RFC3: variants seen among roughly 807,000 people sequenced by gnomAD.
RFC3 encodes the protein A1 38 kDa subunit.
A neutral mutation model predicts 45.1 loss-of-function variants in RFC3; 41 were observed. The ratio of observed to expected loss-of-function variants is 0.91; its 90% CI spans 0.71 to 1.18. RFC3 has a LOEUF of 1.18. Among genes scored for constraint, RFC3 ranks in the 50% most tolerant of loss-of-function variants. RFC3 has a pLI of 0.00. For missense variants in RFC3, 423 were observed against 428.1 expected (o/e 0.99, Z 0.10); for synonymous variants, 149 against 144.0 (o/e 1.03, Z -0.25).
At chr13:33,933,797 A>G (rs2082867946) in intron 8 of RFC3, among the ~76,000 whole-genome samples, 2 of 152,142 alleles carry the variant, frequency 1.3e-5, no homozygotes, top group South Asian at 4.1e-4. Flanking sequence ...AGAGAGAAAT[A>G]TAAACAACTA....
At chr13:33,926,254 T>C (rs897447240) in intron 8 of RFC3, among the ~76,000 whole-genome samples, 3 of 151,144 alleles carry the variant, frequency 2.0e-5, no homozygotes, top group East Asian at 3.9e-4. Flanking sequence ...ATATACCTAA[T>C]GCTACATGAC....
chr13:33,820,389 T>C (rs1417587921), intron 1 of RFC3, among the ~76,000 whole-genome samples: 1 of 152,244 alleles, frequency 6.6e-6, no homozygotes, highest in African/African-American at 2.4e-5. Flanking sequence ...CATCCACTTT[T>C]CTAAGCAGGC....
downstream of RFC3, among the ~76,000 whole-genome samples, chr13:33,838,873 G>A (rs558182625): frequency 3.9e-5 from 6 of 152,048 alleles, no homozygotes; most frequent in African/African-American, 1.4e-4. Context: ...TTTTTCTGAC[G>A]TTTTTTCCTC....
chr13:33,878,445 G>T (rs1386488577), intron 8 of RFC3, among the ~76,000 whole-genome samples: 1 of 152,080 alleles, frequency 6.6e-6, no homozygotes, highest in Non-Finnish European at 1.5e-5. Flanking sequence ...TTTGATGATG[G>T]GCTGGAAATG....
chr13:33,973,668 T>G, the RFC3 span, among the ~76,000 whole-genome samples: 1 of 151,158 alleles, frequency 6.6e-6, no homozygotes, highest in Middle Eastern at 3.2e-3. Context: ...TTTTTTTTTT[T>G]TTGACAGAGT....
intron 8 of RFC3, among the ~76,000 whole-genome samples, chr13:33,854,390 T>C (rs2137515736): frequency 6.6e-6 from 1 of 152,294 alleles, no homozygotes; most frequent in Non-Finnish European, 1.5e-5. Context: ...AGAAGTAGAC[T>C]AAATTGTTAA....
At chr13:33,921,133 T>C (rs745817955) in intron 8 of RFC3, among the ~76,000 whole-genome samples, 6 of 152,178 alleles carry the variant, frequency 3.9e-5, no homozygotes, top group Non-Finnish European at 7.4e-5. Context: ...CAGTGATTAT[T>C]TAATGAGCTT....
At chr13:33,925,135 T>C (rs111859983) in intron 8 of RFC3, among the ~76,000 whole-genome samples, 2,091 of 144,148 alleles carry the variant, frequency 0.015, 28 homozygotes, top group Non-Finnish European at 0.02. Flanking sequence ...TATACATGCA[T>C]ATATAGTGTA....
chr13:33,920,992 G>T (rs937741412), intron 8 of RFC3, among the ~76,000 whole-genome samples: 3 of 152,012 alleles, frequency 2.0e-5, no homozygotes, highest in African/African-American at 7.3e-5. Flanking sequence ...CTTACCACGT[G>T]GCATTATAAT....
At chr13:33,818,410 G>A (rs2081968635) in intron 1 of RFC3, 145 bp downstream of exon 1, 2 of 621,570 alleles carry the variant, frequency 3.2e-6, no homozygotes, top group African/African-American at 1.9e-5. Context: ...AGGGGGAAGA[G>A]GTGTGGGAGG....
chr13:33,966,614 GGA>G (rs2083089346), downstream of RFC3: 3 of 158,024 alleles, frequency 1.9e-5, no homozygotes, highest in African/African-American at 7.2e-5. Context: ...GGTTTGTCAG[GGA>G]GTAAAATGTC....
At chr13:33,913,800 A>G (rs1265310615) in intron 8 of RFC3, among the ~76,000 whole-genome samples, 3 of 152,148 alleles carry the variant, frequency 2.0e-5, no homozygotes, top group Non-Finnish European at 4.4e-5. Context: ...CCTTGTTGCC[A>G]TGTTTACTAC....
At chr13:33,963,679 A>G (rs866782912) in intron 8 of RFC3, among the ~76,000 whole-genome samples, 3 of 151,990 alleles carry the variant, frequency 2.0e-5, no homozygotes, top group South Asian at 2.1e-4. Flanking sequence ...TGTTTCTATA[A>G]TGGACTTCTG....
chr13:33,932,306 A>T (rs2082857678), intron 8 of RFC3, among the ~76,000 whole-genome samples: 2 of 152,128 alleles, frequency 1.3e-5, no homozygotes, highest in African/African-American at 4.8e-5. Flanking sequence ...TATTCTTCTT[A>T]ATATACCTTG....
intron 8 of RFC3, among the ~76,000 whole-genome samples, chr13:33,926,183 G>A (rs1216807012): frequency 7.7e-6 from 1 of 130,342 alleles, no homozygotes; most frequent in Non-Finnish European, 1.5e-5. Flanking sequence ...ACAGGAAGGG[G>A]AACATCACAC....
intron 8 of RFC3, among the ~76,000 whole-genome samples, chr13:33,843,992 T>G (rs1217522990): frequency 6.6e-6 from 1 of 152,216 alleles, no homozygotes; most frequent in Admixed American, 6.5e-5. Context: ...ATCTTCCTTG[T>G]TAAGCTTCCC....
At chr13:33,818,911 A>G (rs1240456427) in intron 1 of RFC3, among the ~76,000 whole-genome samples, 2 of 101,948 alleles carry the variant, frequency 2.0e-5, no homozygotes, top group Admixed American at 1.2e-4. Flanking sequence ...TTTTTTTGAG[A>G]CGGAGTTTAG....
In RFC3 at chr13:33,831,217, C is replaced by T. The variant is rs746385406; in HGVS notation, c.711-39C>T. The T allele has an allele frequency of 8.6e-6, 11 of 1,283,750 alleles. No individual in the cohort carries two copies. In the Admixed American group the frequency reaches 1.9e-4, roughly 22 times the overall value. 79.5% of individuals were successfully genotyped at this position (1,283,750 alleles called of 1,614,324 possible). On this transcript the variant is annotated intron_variant, in intron 6 of 8. Coordinates refer to ENST00000380071, the MANE Select transcript of RFC3 (RefSeq NM_002915.4). The stretch of plus-strand genomic sequence containing the variant: ...ACTCCTGTTTTAGGACATAAGCACA[C>T]TTCTGTTTAACTTCTTGTGTTCTCT...
intron 8 of RFC3, among the ~76,000 whole-genome samples, chr13:33,855,441 A>ATG (rs1393754482): frequency 6.6e-6 from 1 of 152,098 alleles, no homozygotes; most frequent in African/African-American, 2.4e-5. Flanking sequence ...CAGTGAACGT[A>ATG]TGTGTGTGTG....
Sources: gnomAD v4.1 joint callset for allele counts (sites outside exome capture counted in the v4.1 genomes callset) on GRCh38, gnomAD v4.1.1 for gene constraint, MANE v1.5 for transcripts, NCBI Gene and HGNC (gene_info 2026-07-23, HGNC 2026-07-21) for gene names.